SORCS3: variants seen among roughly 807,000 people sequenced by gnomAD.
SORCS3 encodes the protein sortilin related VPS10 domain containing receptor 3.
Under a neutral mutation model 146.3 loss-of-function variants are expected in SORCS3, and 57 were observed. That is an observed-to-expected ratio of 0.39 (90% CI 0.31 to 0.49). The LOEUF is 0.49. Ranked by LOEUF, SORCS3 falls within the 20% of genes least tolerant of loss-of-function variation. SORCS3 has a pLI of 0.92. For synonymous variants in SORCS3, 653 were observed against 618.5 expected (o/e 1.06, Z -0.83); for missense variants, 1,341 against 1,575.5 (o/e 0.85, Z 2.52).
At chr10:105,050,844 T>C (rs535964343) in intron 5 of SORCS3, among the ~76,000 whole-genome samples, 3 of 152,190 alleles carry the variant, frequency 2.0e-5, no homozygotes, top group African/African-American at 7.2e-5. Context: ...CCTGTCTACA[T>C]ACAACTACTT....
chr10:105,189,930 T>G (rs925293679), intron 14 of SORCS3, among the ~76,000 whole-genome samples: 1 of 152,222 alleles, frequency 6.6e-6, no homozygotes, highest in Admixed American at 6.5e-5. Flanking sequence ...GCTTTAGCCT[T>G]TGAGACAAAT....
chr10:105,253,128 A>G (rs191855303), intron 23 of SORCS3, among the ~76,000 whole-genome samples: 15 of 152,258 alleles, frequency 9.9e-5, no homozygotes, highest in African/African-American at 3.6e-4. Flanking sequence ...ATTCATTCCA[A>G]TGTCTGACAT....
intron 14 of SORCS3, among the ~76,000 whole-genome samples, chr10:105,185,249 T>TC (rs1368653164): frequency 2.0e-5 from 3 of 152,220 alleles, no homozygotes; most frequent in Non-Finnish European, 2.9e-5. Flanking sequence ...CATTTCCTTA[T>TC]ATTGAATTCC....
chr10:104,876,750 T>C (rs2491374), intron 2 of SORCS3, among the ~76,000 whole-genome samples: 11,177 of 110,622 alleles, frequency 0.1, 670 homozygotes, highest in Middle Eastern at 0.13. Context: ...TTCCTTCCTT[T>C]CTTTCTTTCT....
chr10:105,175,028 T>A (rs1225375311), intron 13 of SORCS3, among the ~76,000 whole-genome samples: 2 of 152,122 alleles, frequency 1.3e-5, no homozygotes, highest in Non-Finnish European at 2.9e-5. Flanking sequence ...CAATTTGCTC[T>A]GCTAATGCTG....
chr10:105,020,201 T>C lies in SORCS3; in HGVS notation c.955-22854T>C, dbSNP rs533467230. 2.5e-4 allele frequency among the ~76,000 whole-genome samples: 38 copies of C among 152,288 alleles called. No homozygotes were observed. In the South Asian group the frequency reaches 6.6e-3, roughly 27 times the overall value. The stretch of plus-strand genomic sequence containing the variant: ...TTTTTGGCTCTGTTATTGGTATCCA[T>C]AGGGCTGTTCATATACCTGTCACTG... On this transcript the variant is annotated intron_variant, in intron 4 of 26. Coordinates refer to ENST00000369701, the MANE Select transcript of SORCS3 (RefSeq NM_014978.3).
At chr10:104,860,608 A>T (rs1225894210) in intron 2 of SORCS3, among the ~76,000 whole-genome samples, 1 of 152,170 alleles carries the variant, frequency 6.6e-6, no homozygotes, top group Non-Finnish European at 1.5e-5. Flanking sequence ...TGAAAACAAC[A>T]ACAGCAGCAT....
chr10:105,143,126 A>G (rs1589653454), intron 8 of SORCS3, among the ~76,000 whole-genome samples: 1 of 152,156 alleles, frequency 6.6e-6, no homozygotes, highest in Non-Finnish European at 1.5e-5. Context: ...AGCCATTGCT[A>G]CAGTGGCCAC....
chr10:104,741,213 C>T (rs2016838514), intron 1 of SORCS3, among the ~76,000 whole-genome samples: 1 of 147,526 alleles, frequency 6.8e-6, no homozygotes. Context: ...TTAATCAGTC[C>T]TCCTGCCTCA....
chr10:104,816,077 T>C (rs2017794564), intron 1 of SORCS3, among the ~76,000 whole-genome samples: 1 of 152,232 alleles, frequency 6.6e-6, no homozygotes, highest in Non-Finnish European at 1.5e-5. Flanking sequence ...TTTGAATTAT[T>C]TCCATGGAAT....
chr10:105,087,377 G>A (rs555476736), intron 5 of SORCS3, among the ~76,000 whole-genome samples: 15 of 151,792 alleles, frequency 9.9e-5, no homozygotes, highest in Non-Finnish European at 1.5e-4. Flanking sequence ...ACAAACCTGC[G>A]CATTCTGCAC....
At chr10:105,222,506 A>G (rs2056709981) in intron 19 of SORCS3, among the ~76,000 whole-genome samples, 1 of 152,082 alleles carries the variant, frequency 6.6e-6, no homozygotes, top group African/African-American at 2.4e-5. Context: ...CTGAGGGAAA[A>G]AATAAGAAGC....
chr10:104,961,998 C>T (rs566326461), intron 3 of SORCS3, among the ~76,000 whole-genome samples: 17 of 151,944 alleles, frequency 1.1e-4, no homozygotes, highest in Non-Finnish European at 2.1e-4. Context: ...ACAAGTAAAA[C>T]GTAAAATAAC....
At chr10:105,196,721 G>A (rs1235473741) in intron 14 of SORCS3, among the ~76,000 whole-genome samples, 1 of 152,158 alleles carries the variant, frequency 6.6e-6, no homozygotes, top group Non-Finnish European at 1.5e-5. Context: ...CTGCACTTAG[G>A]AATCCTAAGT....
intron 1 of SORCS3, among the ~76,000 whole-genome samples, chr10:104,720,510 T>C (rs370672265): frequency 2.0e-4 from 31 of 152,220 alleles, no homozygotes; most frequent in Admixed American, 3.9e-4. Context: ...ATGGCTGGGT[T>C]AAATGGTATT....
chr10:104,966,872 T>C (rs959678350), intron 3 of SORCS3, among the ~76,000 whole-genome samples: 1 of 152,110 alleles, frequency 6.6e-6, no homozygotes, highest in Non-Finnish European at 1.5e-5. Context: ...TCCCTGAGTG[T>C]CCTTTGCAAT....
intron 6 of SORCS3, among the ~76,000 whole-genome samples, chr10:105,090,597 A>G (rs2055694889): frequency 6.6e-6 from 1 of 152,242 alleles, no homozygotes; most frequent in Non-Finnish European, 1.5e-5. Context: ...TAGATTGAGA[A>G]CAGAGCCAAA....
At chr10:104,773,925 A>G (rs548452815) in intron 1 of SORCS3, among the ~76,000 whole-genome samples, 2 of 152,284 alleles carry the variant, frequency 1.3e-5, no homozygotes, top group African/African-American at 4.8e-5. Context: ...AGCTTGTTGG[A>G]AAGGTAGACT....
chr10:105,009,556 A>C (rs1441254628), intron 4 of SORCS3, among the ~76,000 whole-genome samples: 1 of 151,298 alleles, frequency 6.6e-6, no homozygotes, highest in South Asian at 2.1e-4. Context: ...AAAAAACCCC[A>C]AAAACTGTAG....
Sources: gnomAD v4.1 joint callset for allele counts (sites outside exome capture counted in the v4.1 genomes callset) on GRCh38, gnomAD v4.1.1 for gene constraint, MANE v1.5 for transcripts, NCBI Gene and HGNC (gene_info 2026-07-23, HGNC 2026-07-21) for gene names.